PCSK6: variants seen among roughly 807,000 people sequenced by gnomAD.
PCSK6 encodes paired basic amino acid cleaving enzyme 4.
PCSK6 carries 85 observed loss-of-function variants against 123.3 expected under a neutral mutation model. The observed-to-expected ratio is 0.69, with a 90% CI of 0.58 to 0.83. The LOEUF is 0.83. Ranked by LOEUF, PCSK6 falls within the 40% of genes least tolerant of loss-of-function variation. The pLI, the probability that PCSK6 is intolerant of heterozygous loss-of-function variation, is 0.00. For synonymous variants in PCSK6, 508 were observed against 516.0 expected (o/e 0.98, Z 0.21); for missense variants, 1,191 against 1,282.3 (o/e 0.93, Z 1.09).
At chr15:101,405,842 G>A (rs758731931) in intron 6 of PCSK6, among the ~76,000 whole-genome samples, 16 of 151,908 alleles carry the variant, frequency 1.1e-4, no homozygotes, top group Admixed American at 5.2e-4. Flanking sequence ...TCCCAGGTTC[G>A]AGCGATTCTC....
chr15:101,359,713 G>T (rs985191972), intron 13 of PCSK6, among the ~76,000 whole-genome samples: 8 of 152,220 alleles, frequency 5.3e-5, no homozygotes, highest in African/African-American at 1.7e-4. Flanking sequence ...GGTGTGCAGG[G>T]CATGCGGTTC....
intron 1 of PCSK6, among the ~76,000 whole-genome samples, chr15:101,470,988 T>C (rs1369855705): frequency 1.3e-5 from 2 of 152,226 alleles, no homozygotes; most frequent in Non-Finnish European, 2.9e-5. Context: ...CCAGCCTACC[T>C]TGCCGTGCCA....
At chr15:101,482,790 GTCTGCTCCTGATTC>G (rs1307712050) in intron 1 of PCSK6, among the ~76,000 whole-genome samples, 1 of 100,118 alleles carries the variant, frequency 1.0e-5, no homozygotes, top group Non-Finnish European at 2.2e-5. Flanking sequence ...CTGATTCTGA[GTCTGCTCCTGATTC>G]TGAGTCTGCC....
Position 101,426,259 on chromosome 15 carries a change from A to C in PCSK6, c.823+1633T>G, listed in dbSNP as rs140685472. On this transcript the variant is annotated intron_variant, in intron 6 of 21. Coordinates refer to ENST00000611716, the MANE Select transcript of PCSK6 (RefSeq NM_002570.5). ...GTATCTGACTTCATCCTCATAACAA[A>C]ACTGGGGAGGCAGCTGCCTGGTGGT... 4.0e-3 allele frequency among the ~76,000 whole-genome samples: 611 copies of C among 152,250 alleles called. 3 individuals carry two copies. Among genetic ancestry groups the C allele is most frequent in the Non-Finnish European group, 6.6e-3 (452 of 68,012 alleles).
At chr15:101,362,940 C>A (rs554968935) in intron 13 of PCSK6, among the ~76,000 whole-genome samples, 5 of 152,174 alleles carry the variant, frequency 3.3e-5, no homozygotes, top group Non-Finnish European at 7.4e-5. Flanking sequence ...GGACCATAGG[C>A]TTGGGCAATG....
intron 1 of PCSK6, among the ~76,000 whole-genome samples, chr15:101,485,537 TAC>T (rs780067237): frequency 3.9e-5 from 6 of 152,234 alleles, no homozygotes; most frequent in Non-Finnish European, 8.8e-5. Flanking sequence ...AAGTTTTATA[TAC>T]AGTCTTTAAT....
intron 1 of PCSK6, among the ~76,000 whole-genome samples, chr15:101,459,555 C>T (rs1489448094): frequency 7.2e-6 from 1 of 138,714 alleles, no homozygotes; most frequent in Non-Finnish European, 1.6e-5. Flanking sequence ...CCATTCCCGT[C>T]CCCCCCACCA....
intron 10 of PCSK6, among the ~76,000 whole-genome samples, chr15:101,383,088 AATATTTTTCAGTAT>A (rs2041953906): frequency 6.6e-6 from 1 of 152,202 alleles, no homozygotes; most frequent in Non-Finnish European, 1.5e-5. Flanking sequence ...GGCCAAATGA[AATATTTTTCAGTAT>A]ACCTGATAAG....
chr15:101,339,573 A>G (rs1469649078), intron 13 of PCSK6, among the ~76,000 whole-genome samples: 5 of 152,210 alleles, frequency 3.3e-5, no homozygotes, highest in African/African-American at 1.2e-4. Flanking sequence ...GGTGAATTTC[A>G]CAGTATGTGA....
rs1439301679 is a variant in PCSK6 at position 101,389,516 on chromosome 15, A to C, written c.1258T>G (p.Ser420Ala). The change falls in exon 9 of 22, where the codon TCA becomes GCA. Residue 420 changes from serine to alanine, a missense_variant. Around this residue, in one of 3 missense-constraint regions of PCSK6, gnomAD observed 357 missense variants for 484.5 expected, o/e 0.74. Transcript: ENST00000611716. ...CCCGCCACCATGGGGGCAGAGACTG[A>C]GGTCCCAGTGTGGCCATCGGTACAG... ...QRCTDGHTGTSVSAPMVAGII... is the reference protein window; with the variant it reads ...QRCTDGHTGTAVSAPMVAGII... The C allele has an allele frequency of 6.2e-7, 1 of 1,613,634 alleles. No homozygotes were observed. Among genetic ancestry groups the C allele is most frequent in the South Asian group, 1.1e-5 (1 of 91,064 alleles).
chr15:101,354,720 C>T (rs564447089), intron 13 of PCSK6, among the ~76,000 whole-genome samples: 27 of 152,230 alleles, frequency 1.8e-4, no homozygotes, highest in African/African-American at 5.5e-4. Context: ...AATGAGTCCC[C>T]GTGCCCCATC....
intron 13 of PCSK6, among the ~76,000 whole-genome samples, chr15:101,345,158 A>C (rs1022032281): frequency 6.6e-6 from 1 of 152,200 alleles, no homozygotes; most frequent in African/African-American, 2.4e-5. Flanking sequence ...GATGCCTTCA[A>C]GCAAAAGCCG....
intron 6 of PCSK6, among the ~76,000 whole-genome samples, chr15:101,413,973 G>A (rs755259007): frequency 7.9e-5 from 12 of 152,248 alleles, no homozygotes; most frequent in Middle Eastern, 3.4e-3. Context: ...ATATAGGCAA[G>A]TTGAAAGTAA....
intron 2 of PCSK6, among the ~76,000 whole-genome samples, chr15:101,439,591 T>C (rs2056700601): frequency 6.6e-6 from 1 of 152,244 alleles, no homozygotes; most frequent in Non-Finnish European, 1.5e-5. Flanking sequence ...ATGTGGTCAC[T>C]TACTGTCTAT....
intron 13 of PCSK6, 189 bp downstream of exon 13, chr15:101,366,007 G>A (rs1006095352): frequency 1.3e-5 from 7 of 542,540 alleles, no homozygotes; most frequent in East Asian, 9.7e-5. Context: ...ACATGACATC[G>A]TGGATGTACT....
At chr15:101,471,901 A>T (rs1351128979) in intron 1 of PCSK6, among the ~76,000 whole-genome samples, 1 of 152,190 alleles carries the variant, frequency 6.6e-6, no homozygotes, top group Non-Finnish European at 1.5e-5. Flanking sequence ...TCTATGAGAC[A>T]CATGCACGTT....
At chr15:101,377,269 C>T (rs188008094) in intron 11 of PCSK6, among the ~76,000 whole-genome samples, 459 of 152,310 alleles carry the variant, frequency 3.0e-3, no homozygotes, top group Non-Finnish European at 4.5e-3. Flanking sequence ...CTTTATCATC[C>T]CTGGAGGTGG....
At chr15:101,475,597 C>T (rs2057711266) in intron 1 of PCSK6, among the ~76,000 whole-genome samples, 1 of 151,954 alleles carries the variant, frequency 6.6e-6, no homozygotes, top group African/African-American at 2.4e-5. Flanking sequence ...GGAATTCTCC[C>T]ACCTCATCCT....
At chr15:101,406,304 G>A (rs1458728570) in intron 6 of PCSK6, among the ~76,000 whole-genome samples, 1 of 152,132 alleles carries the variant, frequency 6.6e-6, no homozygotes, top group Non-Finnish European at 1.5e-5. Context: ...CAGGGAGCGG[G>A]ACACGCTGGG....
Sources: allele counts gnomAD v4.1 joint callset (sites outside exome capture counted in the v4.1 genomes callset), GRCh38; gene constraint gnomAD v4.1.1; regional missense constraint gnomAD v4.1.1; transcripts MANE v1.5; gene names NCBI Gene and HGNC (gene_info 2026-07-23, HGNC 2026-07-21).